Variants in DAB1 observed in about 807,000 individuals in gnomAD.
The protein encoded by DAB1 is DAB adaptor protein 1.
In DAB1, 15 loss-of-function variants were observed where a neutral mutation model predicts 64.6. That is an observed-to-expected ratio of 0.23 (90% CI 0.16 to 0.36). DAB1 has a LOEUF of 0.36. DAB1 is among the 10% of genes least tolerant of loss of function. The probability of loss-of-function intolerance (pLI) is 1.00; values close to 1 mark genes in which losing one functional copy is unlikely to be tolerated. For missense variants in DAB1, 596 were observed against 706.7 expected (o/e 0.84, Z 1.78); for synonymous variants, 235 against 251.9 (o/e 0.93, Z 0.64).
intron 1 of DAB1, among the ~76,000 whole-genome samples, chr1:58,535,030 G>A (rs1324852369): frequency 6.6e-6 from 1 of 152,080 alleles, no homozygotes; most frequent in Non-Finnish European, 1.5e-5. Context: ...GCATTGAACA[G>A]AAAAACACCC....
At chr1:57,222,147 C>T (rs369555119) in intron 2 of DAB1, among the ~76,000 whole-genome samples, 3 of 151,890 alleles carry the variant, frequency 2.0e-5, no homozygotes, top group Admixed American at 6.6e-5. Flanking sequence ...AACAAAGGGT[C>T]GAGAGGTAAA....
chr1:58,405,843 A>T (rs1419039102), intron 3 of DAB1, among the ~76,000 whole-genome samples: 1 of 152,136 alleles, frequency 6.6e-6, no homozygotes, highest in Non-Finnish European at 1.5e-5. Flanking sequence ...TCTCACAGTG[A>T]CTGTGGGCCT....
intron 3 of DAB1, among the ~76,000 whole-genome samples, chr1:58,420,595 G>T (rs539633157): frequency 1.3e-5 from 2 of 152,072 alleles, no homozygotes; most frequent in Non-Finnish European, 1.5e-5. Context: ...ATTTTTTAGC[G>T]CCTTGCCTTG....
chr1:57,870,601 A>G (rs1643928793), intron 1 of DAB1, among the ~76,000 whole-genome samples: 1 of 152,180 alleles, frequency 6.6e-6, no homozygotes, highest in Non-Finnish European at 1.5e-5. Flanking sequence ...ATGAATTTAT[A>G]TTATGCATAT....
At position 57,441,518 on chromosome 1, in the gene DAB1, C is replaced by A. The variant is rs1418464241; in HGVS notation, n.626-150352G>T. Among the ~76,000 whole-genome samples, 4 of 152,022 alleles carry A rather than the reference C, an allele frequency of 2.6e-5. No individual in the cohort carries two copies. The East Asian group carries it at 7.8e-4, about 30-fold the overall frequency. On this transcript the variant is annotated intron_variant and non_coding_transcript_variant, in intron 7 of 20. Coordinates refer to the DAB1 transcript ENST00000485760. Reference sequence around the variant, plus strand: ...TACAGGCACACACCACCACACCTGCCTAATTTTTGTATTTTTGTAGAGACG... The same window carrying A: ...TACAGGCACACACCACCACACCTGCATAATTTTTGTATTTTTGTAGAGACG...
intron 11 of DAB1, among the ~76,000 whole-genome samples, chr1:57,015,729 T>A (rs1646409191): frequency 6.6e-6 from 1 of 152,212 alleles, no homozygotes; most frequent in Admixed American, 6.5e-5. Flanking sequence ...CCTCAGAAGC[T>A]GTGTGTCTCA....
chr1:57,871,556 G>A (rs1403980260), intron 1 of DAB1, among the ~76,000 whole-genome samples: 1 of 152,126 alleles, frequency 6.6e-6, no homozygotes, highest in Non-Finnish European at 1.5e-5. Flanking sequence ...TCTTGCTCAA[G>A]GTCACATAGA....
intron 7 of DAB1, among the ~76,000 whole-genome samples, chr1:57,466,484 T>C (rs1392002405): frequency 6.6e-6 from 1 of 152,224 alleles, no homozygotes; most frequent in Non-Finnish European, 1.5e-5. Flanking sequence ...GAGCCTCATC[T>C]ATTAATTGCC....
chr1:57,136,735 C>T, intron 3 of DAB1, 94 bp from the exon 4 acceptor site: 1 of 644,844 alleles, frequency 1.6e-6, no homozygotes, highest in Non-Finnish European at 2.5e-6. Context: ...CAACCAATGC[C>T]ACCAATCATG....
In DAB1 at chr1:57,857,942, A is replaced by G. The variant is rs557548243; in HGVS notation, n.87+26057T>C. 3.2e-4 allele frequency among the ~76,000 whole-genome samples: 48 copies of G among 151,758 alleles called. No individual in the cohort carries two copies. In the South Asian group the frequency reaches 5.6e-3, roughly 18 times the overall value. ...TTTTTAAAATTTAAAAAGAAAGAAA[A>G]AAAAAAAACAAAACAAAGCCCTGAA... On this transcript the variant is annotated intron_variant and non_coding_transcript_variant, in intron 1 of 1. Coordinates refer to the DAB1 transcript ENST00000477280.
intron 7 of DAB1, among the ~76,000 whole-genome samples, chr1:57,472,597 G>C (rs1687178115): frequency 6.6e-6 from 1 of 151,872 alleles, no homozygotes; most frequent in Admixed American, 6.6e-5. Flanking sequence ...CTAATTACTG[G>C]TGCATGCAGC....
chr1:58,119,903 A>G (rs1652633972), intron 5 of DAB1, among the ~76,000 whole-genome samples: 1 of 152,142 alleles, frequency 6.6e-6, no homozygotes, highest in Non-Finnish European at 1.5e-5. Flanking sequence ...GACTAATGCT[A>G]CACAGAGCTA....
At chr1:57,630,829 G>C (rs1427808521) in intron 7 of DAB1, among the ~76,000 whole-genome samples, 1 of 152,156 alleles carries the variant, frequency 6.6e-6, no homozygotes, top group Non-Finnish European at 1.5e-5. Context: ...AATATCTGTA[G>C]AGAAAGATCA....
At chr1:58,201,361 T>C (rs1247091951) in intron 4 of DAB1, among the ~76,000 whole-genome samples, 1 of 152,218 alleles carries the variant, frequency 6.6e-6, no homozygotes, top group Non-Finnish European at 1.5e-5. Flanking sequence ...ACTTGACAAG[T>C]GCCCTTTCAG....
rs1274968599 is a variant in DAB1 at position 57,422,474 on chromosome 1, G to A, written c.-137+1456C>T. Among the ~76,000 whole-genome samples, 5 of 152,122 alleles carry A rather than the reference G, an allele frequency of 3.3e-5. No homozygotes were observed. In the East Asian group the frequency reaches 9.7e-4, roughly 29 times the overall value. ...CTAATGGAGCTAAACACAGGCGTGC[G>A]CCGACATCCAAACGCACACGCAGAC... On this transcript the variant is annotated intron_variant, in intron 1 of 14. Transcript: ENST00000371236.
chr1:57,836,332 T>C (rs983396979), intron 1 of DAB1, among the ~76,000 whole-genome samples: 4 of 152,194 alleles, frequency 2.6e-5, no homozygotes, highest in Admixed American at 1.3e-4. Flanking sequence ...CTATATAGTT[T>C]CCAGGAAAAT....
At chr1:57,258,565 T>C (rs1393577186) in intron 2 of DAB1, among the ~76,000 whole-genome samples, 3 of 152,166 alleles carry the variant, frequency 2.0e-5, no homozygotes, top group Admixed American at 6.5e-5. Context: ...GATGAGCTTT[T>C]CTCCCAAATC....
At chr1:58,178,993 TAGA>T (rs1355271220) in intron 4 of DAB1, among the ~76,000 whole-genome samples, 4 of 152,220 alleles carry the variant, frequency 2.6e-5, no homozygotes, top group Admixed American at 2.6e-4. Context: ...GTTTATCAGC[TAGA>T]AGAAGTTCCT....
intron 3 of DAB1, among the ~76,000 whole-genome samples, chr1:58,493,820 A>G (rs1645744395): frequency 6.6e-6 from 1 of 152,138 alleles, no homozygotes; most frequent in Non-Finnish European, 1.5e-5. Flanking sequence ...AAGAATCAAT[A>G]TGGTGAAAAT....
Sources: allele counts gnomAD v4.1 joint callset (sites outside exome capture counted in the v4.1 genomes callset), GRCh38; gene constraint gnomAD v4.1.1; transcripts MANE v1.5; gene names NCBI Gene and HGNC (gene_info 2026-07-23, HGNC 2026-07-21).